NCALD: variants seen among roughly 807,000 people sequenced by gnomAD.
NCALD encodes neurocalcin-delta.
Under a neutral mutation model 18.6 loss-of-function variants are expected in NCALD, and 10 were observed. The ratio of observed to expected loss-of-function variants is 0.54; its 90% CI spans 0.33 to 0.91. The LOEUF (loss-of-function observed/expected upper bound fraction) is 0.91, where lower values mean the gene tolerates loss of function less well. NCALD is among the 40% of genes least tolerant of loss of function. NCALD has a pLI of 0.03. For synonymous variants in NCALD, 88 were observed against 87.4 expected (o/e 1.01, Z -0.04); for missense variants, 184 against 247.6 (o/e 0.74, Z 1.72).
intron 4 of NCALD, among the ~76,000 whole-genome samples, chr8:101,836,894 T>C (rs1175306493): frequency 6.6e-6 from 1 of 152,230 alleles, no homozygotes; most frequent in Non-Finnish European, 1.5e-5. Context: ...AAATTCCTTA[T>C]GGCTTAAAGA....
chr8:101,821,471 T>A (rs1813714994), intron 4 of NCALD, among the ~76,000 whole-genome samples: 1 of 152,040 alleles, frequency 6.6e-6, no homozygotes, highest in Non-Finnish European at 1.5e-5. Flanking sequence ...AAGTAGTGAG[T>A]CTGGATTTGA....
intron 2 of NCALD, among the ~76,000 whole-genome samples, chr8:101,970,601 CAT>C (rs1391961471): frequency 6.6e-6 from 1 of 152,138 alleles, no homozygotes; most frequent in Non-Finnish European, 1.5e-5. Flanking sequence ...CAAAGCCTAA[CAT>C]GTGGTTTAAC....
chr8:101,710,369 G>GTT (rs143899233), intron 2 of NCALD, among the ~76,000 whole-genome samples: 3,919 of 151,676 alleles, frequency 0.026, 131 homozygotes, highest in African/African-American at 0.078. Flanking sequence ...AGCTGCAGAT[G>GTT]TTTTTTTTTG....
chr8:102,001,982 A>C (rs1821491490), intron 2 of NCALD, among the ~76,000 whole-genome samples: 1 of 152,222 alleles, frequency 6.6e-6, no homozygotes, highest in South Asian at 2.1e-4. Context: ...TGAGCAAAAT[A>C]ACCAGCTAAC....
intron 2 of NCALD, among the ~76,000 whole-genome samples, chr8:101,715,208 C>A (rs200607243): frequency 6.6e-6 from 1 of 152,056 alleles, no homozygotes; most frequent in East Asian, 1.9e-4. Context: ...TGACAAACCT[C>A]ACAAAAACAA....
intron 2 of NCALD, among the ~76,000 whole-genome samples, chr8:101,954,741 C>A (rs1281468108): frequency 6.6e-6 from 1 of 152,154 alleles, no homozygotes; most frequent in Non-Finnish European, 1.5e-5. Context: ...CCATTCCTGG[C>A]AGTGTAAATA....
chr8:101,818,290 CTTGGT>C (rs1407823655), intron 4 of NCALD, among the ~76,000 whole-genome samples: 1 of 151,918 alleles, frequency 6.6e-6, no homozygotes, highest in African/African-American at 2.4e-5. Flanking sequence ...TAGCGATTTC[CTTGGT>C]TTGTTTTGCA....
chr8:101,700,658 C>T (rs1469126322), intron 2 of NCALD, among the ~76,000 whole-genome samples: 2 of 152,092 alleles, frequency 1.3e-5, no homozygotes, highest in African/African-American at 4.8e-5. Context: ...GGGTTATTCC[C>T]TTAACACTCC....
intron 1 of NCALD, among the ~76,000 whole-genome samples, chr8:102,073,542 T>A (rs1824247691): frequency 6.6e-6 from 1 of 150,766 alleles, no homozygotes; most frequent in African/African-American, 2.4e-5. Flanking sequence ...TTTTTTTTTT[T>A]ACTATAGCAT....
chr8:101,829,011 A>G (rs969763893), intron 4 of NCALD, among the ~76,000 whole-genome samples: 9 of 152,088 alleles, frequency 5.9e-5, no homozygotes, highest in Non-Finnish European at 7.4e-5. Context: ...ACAGAGTGTT[A>G]TAGGATTGCA....
intron 1 of NCALD, among the ~76,000 whole-genome samples, chr8:101,772,642 T>G (rs1811631598): frequency 6.6e-6 from 1 of 152,246 alleles, no homozygotes; most frequent in South Asian, 2.1e-4. Flanking sequence ...CTGTGTTCTT[T>G]GACCCAAGTC....
At chr8:102,005,711 C>G (rs976054331) in intron 2 of NCALD, among the ~76,000 whole-genome samples, 4 of 152,048 alleles carry the variant, frequency 2.6e-5, no homozygotes, top group Admixed American at 2.0e-4. Context: ...AAAATGATGA[C>G]TTCGTGTCCT....
intron 4 of NCALD, among the ~76,000 whole-genome samples, chr8:101,797,488 AT>A: frequency 6.6e-6 from 1 of 152,136 alleles, no homozygotes; most frequent in East Asian, 1.9e-4. Flanking sequence ...AAAAGTGCAA[AT>A]TTTTTATTAT....
chr8:101,755,297 G>A (rs899952578), intron 1 of NCALD, among the ~76,000 whole-genome samples: 1 of 152,200 alleles, frequency 6.6e-6, no homozygotes, highest in Non-Finnish European at 1.5e-5. Context: ...TTCAGTATTA[G>A]TAATGTTCCT....
intron 1 of NCALD, among the ~76,000 whole-genome samples, chr8:101,779,098 T>C (rs1811911143): frequency 6.6e-6 from 1 of 152,156 alleles, no homozygotes; most frequent in African/African-American, 2.4e-5. Flanking sequence ...TAATTTGGCG[T>C]CTATTTTTCA....
chr8:102,102,300 T>C (rs1203713194), intron 1 of NCALD, among the ~76,000 whole-genome samples: 2 of 152,194 alleles, frequency 1.3e-5, no homozygotes, highest in Non-Finnish European at 2.9e-5. Flanking sequence ...ACATTTCAAA[T>C]ACGGCAACGA....
intron 1 of NCALD, among the ~76,000 whole-genome samples, chr8:102,091,775 C>T (rs992129733): frequency 5.3e-5 from 8 of 152,150 alleles, no homozygotes; most frequent in African/African-American, 1.9e-4. Flanking sequence ...ATGGCCCTCA[C>T]CATACTAATG....
intron 1 of NCALD, among the ~76,000 whole-genome samples, chr8:102,115,766 C>A (rs557351801): frequency 6.6e-6 from 1 of 152,326 alleles, no homozygotes; most frequent in Admixed American, 6.5e-5. Flanking sequence ...AAGACTCCAG[C>A]ATCCTTAGCC....
chr8:101,966,417 G>C (rs190677864), intron 2 of NCALD, among the ~76,000 whole-genome samples: 31 of 147,730 alleles, frequency 2.1e-4, no homozygotes, highest in African/African-American at 7.7e-4. Flanking sequence ...TCACTCATAG[G>C]TGAGAATTGA....
Sources: allele counts gnomAD v4.1 joint callset (sites outside exome capture counted in the v4.1 genomes callset), GRCh38; gene constraint gnomAD v4.1.1; transcripts MANE v1.5; gene names NCBI Gene and HGNC (gene_info 2026-07-23, HGNC 2026-07-21).